The following SNIP1 variants were observed in gnomAD, a reference collection of about 807,000 sequenced individuals.
SNIP1 encodes the protein smad nuclear-interacting protein 1.
In SNIP1, 23 loss-of-function variants were observed where a neutral mutation model predicts 37.4. That is an observed-to-expected ratio of 0.61 (90% CI 0.44 to 0.87). The LOEUF (loss-of-function observed/expected upper bound fraction) is 0.87. Ranked by LOEUF, SNIP1 falls within the 40% of genes least tolerant of loss-of-function variation. The pLI is 0.00. For synonymous variants in SNIP1, 174 were observed against 200.0 expected, an observed-to-expected ratio of 0.87 and a Z score of 1.10; for missense variants, 459 against 540.4, an observed-to-expected ratio of 0.85 and a Z score of 1.49.
intron 2 of SNIP1, among the ~76,000 whole-genome samples, chr1:37,543,767 A>C (rs1392598734): frequency 6.6e-6 from 1 of 152,158 alleles, no homozygotes; most frequent in Non-Finnish European, 1.5e-5. Context: ...TTGAGCCCTA[A>C]GCATAAGCTC....
intron 2 of SNIP1, among the ~76,000 whole-genome samples, chr1:37,551,820 C>A (rs185333862): frequency 6.6e-6 from 1 of 152,340 alleles, no homozygotes; most frequent in African/African-American, 2.4e-5. Flanking sequence ...GGAAAACAGT[C>A]TGGCAATTTC....
intron 2 of SNIP1, among the ~76,000 whole-genome samples, chr1:37,548,558 C>A (rs1158017491): frequency 4.6e-5 from 7 of 151,946 alleles, no homozygotes; most frequent in African/African-American, 1.7e-4. Flanking sequence ...GATCCACCCG[C>A]CTCGGCCTCC....
intron 2 of SNIP1, among the ~76,000 whole-genome samples, chr1:37,548,101 C>T (rs1232729881): frequency 6.4e-5 from 9 of 140,642 alleles, no homozygotes; most frequent in African/African-American, 1.7e-4. Flanking sequence ...TGCAGTAAGC[C>T]GAGATCGCAC....
chr1:37,540,931 G>C lies in SNIP1; in HGVS notation c.328-176C>G. On this transcript the variant is annotated intron_variant, in intron 2 of 3. Coordinates refer to ENST00000296215, the MANE Select transcript of SNIP1 (RefSeq NM_024700.4). This position sits in a 1 kb window ranked among gnomAD's most constrained non-coding sequence, Gnocchi z 5.6. ...TCTGGTGGTTATGTTCCCTCGCAAG[G>C]CCACAAAGATGATATCCCATGCTGC... 1 of 593,090 alleles carries C rather than the reference G, an allele frequency of 1.7e-6. No homozygotes were observed. The highest frequency in any genetic ancestry group is 3.1e-5 in the Admixed American group (1 of 31,748). The allele number at this position is 593,090 out of a possible 1,614,324, so 36.7% of individuals were successfully genotyped here.
intron 2 of SNIP1, among the ~76,000 whole-genome samples, chr1:37,552,281 G>A (rs1643309759): frequency 6.6e-6 from 1 of 152,222 alleles, no homozygotes; most frequent in Non-Finnish European, 1.5e-5. Flanking sequence ...ATTCCTTGCG[G>A]TGAAGGAAAT....
chr1:37,541,024 C>A, intron 2 of SNIP1: 1 of 341,622 alleles, frequency 2.9e-6, no homozygotes, highest in Admixed American at 4.3e-5. Flanking sequence ...CTATTTAGTC[C>A]AGAAAGGAGA....
Position 37,552,681 on chromosome 1 carries a change from G to C in SNIP1, c.291C>G (p.Asn97Lys). The C allele has an allele frequency of 1.2e-6, 2 of 1,614,166 alleles. No individual in the cohort carries two copies. Among genetic ancestry groups the C allele is most frequent in the Non-Finnish European group, 1.7e-6 (2 of 1,180,036 alleles). ...RRSKSPRSKR[N>K]RSPHHSTVKV... ...TGACTGTTGAGTGGTGAGGACTTCG[G>C]TTTCTCTTACTGCGAGGAGACTTGC... The change falls in exon 2 of 4, where the codon AAC becomes AAG. Residue 97 changes from asparagine to lysine, a missense_variant. Transcript: ENST00000296215.
rs1391256183 is a variant in SNIP1, at chr1:37,537,304, T to C, written c.*444A>G. On this transcript the variant is annotated 3_prime_UTR_variant, in exon 4 of 4. Transcript: ENST00000296215. ...TGGTGATAACCAAAGCCTAGTAAGA[T>C]TCTCTGCTCAGGGGTTCGCCCCAAA... 1.3e-5 allele frequency: 2 copies of C among 157,202 alleles called. No homozygotes were observed. The highest frequency in any genetic ancestry group is 1.3e-4 in the Admixed American group (2 of 15,974). The allele number at this position is 157,202 out of a possible 1,614,324, so 9.7% of individuals were successfully genotyped here. A position where few individuals can be genotyped will look rare whatever the true frequency, so the allele number is the denominator to read the frequency against.
chr1:37,541,226 A>C (rs1643170851), intron 2 of SNIP1: 1 of 152,924 alleles, frequency 6.5e-6, no homozygotes, highest in Non-Finnish European at 1.5e-5. Flanking sequence ...TAGTTAAAAA[A>C]AAAATTCAAT....
chr1:37,554,093 G>T lies in SNIP1; in HGVS notation c.137C>A (p.Pro46Gln). 6.2e-7 allele frequency: 1 copy of T among 1,609,908 alleles called. No individual in the cohort carries two copies. The highest frequency in any genetic ancestry group is 8.5e-7 in the Non-Finnish European group (1 of 1,178,604). The change falls in exon 1 of 4, where the codon CCG becomes CAG. Residue 46 changes from proline to glutamine, a missense_variant. By Grantham distance (76) the Pro-to-Gln change is moderately conservative. Coordinates refer to ENST00000296215, the MANE Select transcript of SNIP1 (RefSeq NM_024700.4). ...AGACGGGCTACCACCGGAGTGGTCCGGACGGCGGTGGGCGGGAGGTGCGAC... is the reference window on the plus strand; with the variant it reads ...AGACGGGCTACCACCGGAGTGGTCCTGACGGCGGTGGGCGGGAGGTGCGAC... ...PEVAPPAHRR[P>Q]DHSGGSPSPP...
intron 2 of SNIP1, among the ~76,000 whole-genome samples, chr1:37,547,227 G>A (rs1333007720): frequency 6.6e-6 from 1 of 152,208 alleles, no homozygotes; most frequent in Non-Finnish European, 1.5e-5. Flanking sequence ...GACCTTGGAA[G>A]AGAAGAGATA....
At chr1:37,549,073 TACG>T (rs1177614469) in intron 2 of SNIP1, 38 of 150,562 alleles carry the variant, frequency 2.5e-4, no homozygotes, top group African/African-American at 8.8e-4. Context: ...TATGATTGTC[TACG>T]TAGAAAATCC....
chr1:37,538,064 C>A, intron 3 of SNIP1, 52 bp from the exon 4 acceptor site: 1 of 1,533,698 alleles, frequency 6.5e-7, no homozygotes, highest in East Asian at 2.3e-5. Context: ...TCAGATCATC[C>A]AGCTTCTCTA....
chr1:37,537,971 C>A lies in SNIP1; in HGVS notation c.968G>T (p.Arg323Ile). The A allele has an allele frequency of 1.2e-6, 2 of 1,613,918 alleles. No individual in the cohort carries two copies. Among genetic ancestry groups the A allele is most frequent in the Non-Finnish European group, 1.7e-6 (2 of 1,179,892 alleles). The change falls in exon 4 of 4, where the codon AGA becomes ATA. Residue 323 changes from arginine to isoleucine, a missense_variant. Physicochemically the swap from Arg to Ile is moderately conservative, Grantham distance 97. Coordinates refer to ENST00000296215, the MANE Select transcript of SNIP1 (RefSeq NM_024700.4). Reference protein sequence around the residue: ...YTRADGTVGRRVKPYIIDLGS... With the variant: ...YTRADGTVGRIVKPYIIDLGS... ...AAGGTCAATGATGTAGGGCTTCACT[C>A]TTCGGCCAACTGTGCCATCAGCACG...
At position 37,537,199 on chromosome 1, in the gene SNIP1, C is replaced by A. The variant is rs748088919; in HGVS notation, c.*549G>T. On this transcript the variant is annotated 3_prime_UTR_variant, in exon 4 of 4. Transcript: ENST00000296215. The stretch of plus-strand genomic sequence containing the variant: ...CTGACTGCAGTACATTCCCACCCCC[C>A]AAAAAAATAAGTGCAAAATCAACTT... 5.1e-4 allele frequency: 78 copies of A among 153,238 alleles called. No individual in the cohort carries two copies. The highest frequency in any genetic ancestry group is 7.7e-4 in the Non-Finnish European group (53 of 68,516). 9.5% of individuals were successfully genotyped at this position (153,238 alleles called of 1,614,324 possible). A position where few individuals can be genotyped will look rare whatever the true frequency, so the allele number is the denominator to read the frequency against.
chr1:37,551,281 A>AG (rs1643299499), intron 2 of SNIP1, among the ~76,000 whole-genome samples: 1 of 151,956 alleles, frequency 6.6e-6, no homozygotes, highest in African/African-American at 2.4e-5. Context: ...AAAAAAAAAA[A>AG]AAAAGGAAAA....
intron 1 of SNIP1, 104 bp from the exon 2 acceptor site, chr1:37,552,851 G>T: frequency 1.1e-6 from 1 of 898,762 alleles, no homozygotes; most frequent in Non-Finnish European, 1.9e-6. Context: ...CCGCATTTGT[G>T]AAGGTCTCTG....
chr1:37,552,774 T>G, intron 1 of SNIP1, 27 bp from the exon 2 acceptor site: 2 of 1,579,688 alleles, frequency 1.3e-6, no homozygotes, highest in Non-Finnish European at 1.7e-6. Context: ...ACACAGGATT[T>G]TATCGCAATT....
intron 2 of SNIP1, among the ~76,000 whole-genome samples, chr1:37,547,678 G>T (rs1366938729): frequency 6.6e-6 from 1 of 151,946 alleles, no homozygotes; most frequent in Non-Finnish European, 1.5e-5. Context: ...AGATTGCAGT[G>T]AGCCAAGATC....
Sources: allele counts gnomAD v4.1 joint callset (sites outside exome capture counted in the v4.1 genomes callset), GRCh38; gene constraint gnomAD v4.1.1; non-coding constraint Gnocchi (gnomAD v3.1); transcripts MANE v1.5; gene names NCBI Gene and HGNC (gene_info 2026-07-23, HGNC 2026-07-21).